ERC2: variants seen among roughly 807,000 people sequenced by gnomAD.
ERC2 encodes ELKS/RAB6-interacting/CAST family member 2, also known as ERC protein 2.
In ERC2, 42 loss-of-function variants were observed where a neutral mutation model predicts 114.8. The observed-to-expected ratio is 0.37, with a 90% CI of 0.29 to 0.47. The LOEUF is 0.47. Among genes scored for constraint, ERC2 ranks in the 20% least tolerant of loss-of-function variants. ERC2 has a pLI of 0.99. For synonymous variants in ERC2, 454 were observed against 425.5 expected (o/e 1.07, Z -0.82); for missense variants, 939 against 1,150.7 (o/e 0.82, Z 2.66).
In ERC2 at chr3:55,598,971, GAT is replaced by G. The variant is rs553852294; in HGVS notation, c.*39+84821_*39+84822del. ...CTGGTGAGAGCCATCAGGCAGTACA[GAT>G]TTTCCCTTGGATTGGCAGCTACTTG... On this transcript the variant is annotated intron_variant, in intron 17 of 17. Transcript: ENST00000288221. Among the ~76,000 whole-genome samples, 223 of 152,340 alleles carry G rather than the reference GAT, an allele frequency of 1.5e-3. 1 individual carries two copies. The highest frequency in any genetic ancestry group is 2.5e-3 in the Non-Finnish European group (167 of 68,038).
intron 2 of ERC2, among the ~76,000 whole-genome samples, chr3:56,392,334 G>A (rs2060157935): frequency 6.6e-6 from 1 of 152,140 alleles, no homozygotes; most frequent in South Asian, 2.1e-4. Context: ...TCTGAACCAA[G>A]TCAACTTCAT....
chr3:55,681,560 T>G (rs1047935701), intron 17 of ERC2, among the ~76,000 whole-genome samples: 3 of 152,220 alleles, frequency 2.0e-5, no homozygotes, highest in Non-Finnish European at 2.9e-5. Context: ...TCTCATTATT[T>G]AAATCCTTAA....
At position 55,976,813 on chromosome 3, in the gene ERC2, T is replaced by C. The variant is rs1188658525; in HGVS notation, c.2267+9164A>G. On this transcript the variant is annotated intron_variant, in intron 12 of 17. Coordinates refer to ENST00000288221, the MANE Select transcript of ERC2 (RefSeq NM_015576.3). ...ATTCCATGTGGTTCAAAGACTTAAA[T>C]GCAGAAAATCAGAACATAAAAATAC... is the stretch of plus-strand genomic sequence containing the variant. 2.0e-5 allele frequency among the ~76,000 whole-genome samples: 3 copies of C among 152,342 alleles called. No homozygotes were observed. The East Asian group carries it at 5.8e-4, about 29-fold the overall frequency.
At chr3:55,887,148 G>A (rs2063385071) in intron 14 of ERC2, among the ~76,000 whole-genome samples, 1 of 152,188 alleles carries the variant, frequency 6.6e-6, no homozygotes, top group Non-Finnish European at 1.5e-5. Context: ...ATGGCCTTAA[G>A]CAAATTATGA....
chr3:55,939,257 T>C (rs1559901939), intron 13 of ERC2, among the ~76,000 whole-genome samples: 1 of 152,220 alleles, frequency 6.6e-6, no homozygotes, highest in Non-Finnish European at 1.5e-5. Flanking sequence ...ACCGCAGAAT[T>C]TGACCAACCT....
chr3:56,194,214 T>C (rs1425847707), intron 3 of ERC2, among the ~76,000 whole-genome samples: 1 of 152,084 alleles, frequency 6.6e-6, no homozygotes, highest in Non-Finnish European at 1.5e-5. Flanking sequence ...ATGTGTTGAG[T>C]TGAATAGTGC....
At chr3:56,186,752 T>C (rs2083648257) in intron 3 of ERC2, among the ~76,000 whole-genome samples, 1 of 152,164 alleles carries the variant, frequency 6.6e-6, no homozygotes. Context: ...TTGGCGAGAC[T>C]GGTCATGAAC....
At chr3:56,208,301 C>T (rs1050852726) in intron 3 of ERC2, among the ~76,000 whole-genome samples, 2 of 119,068 alleles carry the variant, frequency 1.7e-5, no homozygotes, top group Non-Finnish European at 3.8e-5. Context: ...AAAAAGATGG[C>T]AATTCTAACA....
At chr3:56,335,044 A>G (rs2057789247) in intron 2 of ERC2, among the ~76,000 whole-genome samples, 1 of 152,178 alleles carries the variant, frequency 6.6e-6, no homozygotes, top group Admixed American at 6.5e-5. Context: ...ACCTCAGGTG[A>G]TCTGCCCACC....
intron 17 of ERC2, among the ~76,000 whole-genome samples, chr3:55,609,759 G>T (rs754449525): frequency 6.6e-6 from 1 of 151,898 alleles, no homozygotes; most frequent in Non-Finnish European, 1.5e-5. Context: ...CCATTTTATG[G>T]GCAGGAGGAA....
At chr3:56,107,447 C>T (rs2078731196) in intron 6 of ERC2, among the ~76,000 whole-genome samples, 1 of 152,006 alleles carries the variant, frequency 6.6e-6, no homozygotes, top group Non-Finnish European at 1.5e-5. Context: ...TCTCAGTTTT[C>T]CCAGGCTGCA....
chr3:55,592,868 A>C (rs1038546864), intron 17 of ERC2, among the ~76,000 whole-genome samples: 4 of 152,224 alleles, frequency 2.6e-5, no homozygotes, highest in African/African-American at 9.6e-5. Context: ...CTATTCTTAG[A>C]GAGTCATTTG....
intron 2 of ERC2, among the ~76,000 whole-genome samples, chr3:56,307,778 G>T (rs559812814): frequency 7.9e-5 from 12 of 151,516 alleles, no homozygotes; most frequent in Admixed American, 5.3e-4. Flanking sequence ...GGAAAGGAAG[G>T]GTTCTATTGT....
At chr3:55,747,062 A>G (rs949207490) in intron 14 of ERC2, among the ~76,000 whole-genome samples, 3 of 152,124 alleles carry the variant, frequency 2.0e-5, no homozygotes, top group Admixed American at 2.0e-4. Context: ...CATCTCTAAT[A>G]ATCTATATTC....
chr3:55,536,108 C>T (rs760185001), intron 17 of ERC2, among the ~76,000 whole-genome samples: 4 of 152,204 alleles, frequency 2.6e-5, no homozygotes, highest in African/African-American at 4.8e-5. Context: ...TACAAATTGG[C>T]ATAAGTCCCT....
intron 14 of ERC2, among the ~76,000 whole-genome samples, chr3:55,811,005 A>C (rs2059700763): frequency 6.6e-6 from 1 of 152,142 alleles, no homozygotes; most frequent in Non-Finnish European, 1.5e-5. Flanking sequence ...TACAATTCCC[A>C]TGTTAGGAGG....
intron 17 of ERC2, among the ~76,000 whole-genome samples, chr3:55,579,533 C>T (rs2057154460): frequency 6.6e-6 from 1 of 152,234 alleles, no homozygotes; most frequent in Non-Finnish European, 1.5e-5. Context: ...ATTTAGACGG[C>T]AGGACCTGCC....
At chr3:55,818,892 TA>T (rs1335719902) in intron 14 of ERC2, among the ~76,000 whole-genome samples, 1 of 152,254 alleles carries the variant, frequency 6.6e-6, no homozygotes, top group Non-Finnish European at 1.5e-5. Context: ...AGTTAATGTA[TA>T]TAACTTGTTT....
intron 17 of ERC2, among the ~76,000 whole-genome samples, chr3:55,644,106 C>T (rs1381547620): frequency 6.6e-6 from 1 of 152,082 alleles, no homozygotes; most frequent in Non-Finnish European, 1.5e-5. Flanking sequence ...GCCGGCCAGT[C>T]CACCCAAGTT....
Sources: gnomAD v4.1 joint callset for allele counts (sites outside exome capture counted in the v4.1 genomes callset) on GRCh38, gnomAD v4.1.1 for gene constraint, MANE v1.5 for transcripts, NCBI Gene and HGNC (gene_info 2026-07-23, HGNC 2026-07-21) for gene names.